Variants in CLXN observed in about 807,000 individuals in gnomAD.
The protein encoded by CLXN is calaxin, also known as EF-hand calcium binding domain 1.
chr8:48,731,183 T>C, the CLXN span, among the ~76,000 whole-genome samples: 1 of 152,166 alleles, frequency 6.6e-6, no homozygotes, highest in East Asian at 1.9e-4. Flanking sequence ...ATAAAGCCAA[T>C]ATTACCTCCT....
At chr8:48,719,410 T>G in the CLXN span, among the ~76,000 whole-genome samples, 1 of 152,052 alleles carries the variant, frequency 6.6e-6, no homozygotes, top group Non-Finnish European at 1.5e-5. Flanking sequence ...AAGGGCCCAC[T>G]TACAAAAACT....
the CLXN span, among the ~76,000 whole-genome samples, chr8:48,730,351 C>G: frequency 5.3e-4 from 81 of 152,214 alleles, 1 homozygote; most frequent in African/African-American, 1.9e-3. Context: ...CTTGAGTTTT[C>G]TTTTTATTAA....
the CLXN span, chr8:48,711,512 A>G: frequency 6.6e-6 from 1 of 152,294 alleles, no homozygotes; most frequent in African/African-American, 2.4e-5. Flanking sequence ...TCTTATTAGC[A>G]CCAAATATGA....
chr8:48,724,893 A>C, the CLXN span: 2 of 1,037,102 alleles, frequency 1.9e-6, no homozygotes, highest in African/African-American at 3.2e-5. Context: ...TAGAGACAGG[A>C]TAACTGAGGG....
chr8:48,718,320 A>G, the CLXN span, among the ~76,000 whole-genome samples: 1 of 152,272 alleles, frequency 6.6e-6, no homozygotes, highest in South Asian at 2.1e-4. Flanking sequence ...TAAAGTATAT[A>G]AAGCAAATAT....
chr8:48,729,630 A>G, the CLXN span: 1 of 1,224,006 alleles, frequency 8.2e-7, no homozygotes. Context: ...GCAAGCAGAG[A>G]ACTGAAAATT....
the CLXN span, chr8:48,731,401 C>T: frequency 5.7e-3 from 9,237 of 1,613,078 alleles, 40 homozygotes; most frequent in Non-Finnish European, 7.0e-3. Flanking sequence ...CAGGATGTTT[C>T]GAAATGCATT....
At chr8:48,735,042 C>G in the CLXN span, 1 of 1,605,444 alleles carries the variant, frequency 6.2e-7, no homozygotes, top group Non-Finnish European at 8.5e-7. Context: ...CGGGGTGGGA[C>G]CCAGGCTCGG....
chr8:48,719,044 G>A, the CLXN span, among the ~76,000 whole-genome samples: 8 of 151,008 alleles, frequency 5.3e-5, no homozygotes, highest in South Asian at 2.1e-4. Flanking sequence ...ACAAACACCC[G>A]GTCAGACTAA....
chr8:48,731,943 T>C, the CLXN span, among the ~76,000 whole-genome samples: 1 of 152,184 alleles, frequency 6.6e-6, no homozygotes, highest in Non-Finnish European at 1.5e-5. Context: ...CATTTCAGTT[T>C]AGCCTTCATT....
the CLXN span, among the ~76,000 whole-genome samples, chr8:48,734,122 A>T: frequency 6.6e-6 from 1 of 152,208 alleles, no homozygotes; most frequent in South Asian, 2.1e-4. Flanking sequence ...GTATTAAATC[A>T]GATACTAATG....
At chr8:48,732,767 TATC>T in the CLXN span, among the ~76,000 whole-genome samples, 2 of 152,180 alleles carry the variant, frequency 1.3e-5, no homozygotes, top group African/African-American at 4.8e-5. Context: ...TACAATGAAA[TATC>T]ATTCAGCCTT....
At chr8:48,718,262 G>A in the CLXN span, among the ~76,000 whole-genome samples, 1 of 152,028 alleles carries the variant, frequency 6.6e-6, no homozygotes. Context: ...CAATTCAACA[G>A]GCACATATAG....
chr8:48,724,030 T>G, the CLXN span: 1 of 152,158 alleles, frequency 6.6e-6, no homozygotes, highest in Non-Finnish European at 1.5e-5. Context: ...GAGTTTGCAT[T>G]TATCTTGTGG....
chr8:48,729,449 A>G, the CLXN span, among the ~76,000 whole-genome samples: 1 of 151,812 alleles, frequency 6.6e-6, no homozygotes, highest in African/African-American at 2.4e-5. Flanking sequence ...CTTGAGCCCA[A>G]GAGTTTGATG....
chr8:48,730,483 G>A, the CLXN span: 3 of 1,177,532 alleles, frequency 2.5e-6, no homozygotes, highest in South Asian at 1.5e-5. Context: ...ACTGATTTAA[G>A]TGCTTTAGAT....
At chr8:48,723,722 A>T in the CLXN span, 2 of 152,296 alleles carry the variant, frequency 1.3e-5, no homozygotes, top group Admixed American at 1.3e-4. Flanking sequence ...TGTCTTCAGG[A>T]GGTCACAGCC....
chr8:48,734,167 A>C, the CLXN span, among the ~76,000 whole-genome samples: 1 of 152,158 alleles, frequency 6.6e-6, no homozygotes, highest in East Asian at 1.9e-4. Flanking sequence ...CAATCTCTAA[A>C]ACTACATCAA....
At chr8:48,731,592 G>T in the CLXN span, 1 of 1,069,496 alleles carries the variant, frequency 9.4e-7, no homozygotes, top group Non-Finnish European at 1.3e-6. Context: ...GACAAACAAC[G>T]TCAAAGACAT....
Sources: gnomAD v4.1 joint callset for allele counts (sites outside exome capture counted in the v4.1 genomes callset) on GRCh38, gnomAD v4.1.1 for gene constraint, MANE v1.5 for transcripts, NCBI Gene and HGNC (gene_info 2026-07-23, HGNC 2026-07-21) for gene names.